CLEC20A: variants seen among roughly 807,000 people sequenced by gnomAD.
CLEC20A encodes the protein putative C-type lectin domain family 20 member A.
chr1:178,490,156 T>C (rs1649237835), exon 4 of CLEC20A: 3 of 398,598 alleles, frequency 7.5e-6, no homozygotes, highest in Non-Finnish European at 1.3e-5. Context: ...CCAAGAGCTG[T>C]GCACAGTCCT....
At chr1:178,495,587 A>G (rs1266695153) in intron 1 of CLEC20A, among the ~76,000 whole-genome samples, 3 of 152,206 alleles carry the variant, frequency 2.0e-5, no homozygotes, top group African/African-American at 7.2e-5. Flanking sequence ...GGAGCAAAGA[A>G]CGAGCCTCAT....
intron 7 of CLEC20A, chr1:178,482,042 C>T: frequency 3.5e-6 from 1 of 288,314 alleles, no homozygotes; most frequent in Non-Finnish European, 6.3e-6. Context: ...CGCTCAGATC[C>T]CTCTGACCGT....
intron 7 of CLEC20A, 166 bp downstream of exon 7, chr1:178,482,146 G>T (rs969363469): frequency 3.1e-5 from 12 of 390,452 alleles, no homozygotes; most frequent in African/African-American, 2.1e-4. Flanking sequence ...GATCCAAAAA[G>T]ATCTTGCCAC....
chr1:178,498,639 G>A (rs1439242742), upstream of CLEC20A, among the ~76,000 whole-genome samples: 1 of 152,140 alleles, frequency 6.6e-6, no homozygotes. Context: ...CAGGACTGGA[G>A]GCCAAGGCAC....
At chr1:178,482,087 A>C (rs560082549) in intron 7 of CLEC20A, 30 of 368,206 alleles carry the variant, frequency 8.1e-5, no homozygotes, top group East Asian at 3.0e-4. Flanking sequence ...AAAAACAAAA[A>C]AACAACAAAA....
chr1:178,488,996 TA>T (rs1217641641), intron 4 of CLEC20A, among the ~76,000 whole-genome samples: 2 of 152,160 alleles, frequency 1.3e-5, no homozygotes, highest in Non-Finnish European at 1.5e-5. Flanking sequence ...GAAAATGTCC[TA>T]AAATCAGATT....
chr1:178,483,044 A>G, intron 6 of CLEC20A, 131 bp downstream of exon 6: 1 of 395,634 alleles, frequency 2.5e-6, no homozygotes, highest in Non-Finnish European at 4.4e-6. Flanking sequence ...CCTCTTTATT[A>G]CTATCCCTAT....
intron 2 of CLEC20A, among the ~76,000 whole-genome samples, chr1:178,493,202 C>T (rs539206333): frequency 1.1e-4 from 17 of 152,242 alleles, no homozygotes; most frequent in East Asian, 3.9e-4. Context: ...CGGGAGACAA[C>T]GCCATACGCA....
At chr1:178,498,235 C>A (rs933997192), upstream of CLEC20A, among the ~76,000 whole-genome samples, 2 of 152,108 alleles carry the variant, frequency 1.3e-5, no homozygotes, top group Non-Finnish European at 2.9e-5. Flanking sequence ...ATGGCCCCGA[C>A]AAGTTCTGCT....
chr1:178,490,534 G>A (rs1649247158), intron 3 of CLEC20A, 97 bp from the exon 4 acceptor site: 1 of 397,790 alleles, frequency 2.5e-6, no homozygotes, highest in Non-Finnish European at 4.4e-6. Flanking sequence ...GGTCTGACAT[G>A]GGCCCTTGTC....
intron 5 of CLEC20A, chr1:178,484,662 A>G (rs542344579): frequency 6.6e-6 from 1 of 152,344 alleles, no homozygotes; most frequent in East Asian, 1.9e-4. Flanking sequence ...AGCCTGGGCA[A>G]CAGAGTGAGA....
At chr1:178,493,134 G>A (rs1243719216) in intron 2 of CLEC20A, among the ~76,000 whole-genome samples, 2 of 152,204 alleles carry the variant, frequency 1.3e-5, no homozygotes, top group Non-Finnish European at 2.9e-5. Context: ...CAGCAGAGGT[G>A]CAGAGCTGGA....
chr1:178,496,136 A>C (rs1649382810), intron 1 of CLEC20A: 1 of 152,060 alleles, frequency 6.6e-6, no homozygotes, highest in African/African-American at 2.4e-5. Flanking sequence ...GGCCCGCATA[A>C]TTGATTTTAG....
chr1:178,499,327 TGATTG>T (rs1296955027), upstream of CLEC20A, among the ~76,000 whole-genome samples: 1 of 152,242 alleles, frequency 6.6e-6, no homozygotes, highest in African/African-American at 2.4e-5. Context: ...AGTGTCGACT[TGATTG>T]GATTGAAGGA....
At chr1:178,492,010 T>C (rs903090288) in intron 3 of CLEC20A, among the ~76,000 whole-genome samples, 1 of 151,992 alleles carries the variant, frequency 6.6e-6, no homozygotes, top group Non-Finnish European at 1.5e-5. Flanking sequence ...AATGGCCGGC[T>C]CGGTGGCTCA....
intron 3 of CLEC20A, among the ~76,000 whole-genome samples, 196 bp downstream of exon 3, chr1:178,492,305 A>AAATAAAT (rs1649284899): frequency 1.3e-5 from 2 of 151,924 alleles, no homozygotes; most frequent in Admixed American, 6.6e-5. Context: ...AAAAAATAAA[A>AAATAAAT]ATAAGGACAT....
upstream of CLEC20A, among the ~76,000 whole-genome samples, chr1:178,498,697 A>G (rs1649456303): frequency 6.6e-6 from 1 of 152,150 alleles, no homozygotes. Flanking sequence ...CTCTCTCTCT[A>G]CACAACATCA....
chr1:178,496,349 T>G (rs1234827031), intron 1 of CLEC20A: 2 of 152,528 alleles, frequency 1.3e-5, no homozygotes, highest in East Asian at 3.9e-4. Flanking sequence ...GCCTAAAACC[T>G]GACCACCCAC....
At chr1:178,487,006 G>A (rs1649164176) in intron 5 of CLEC20A, 1 of 394,258 alleles carries the variant, frequency 2.5e-6, no homozygotes, top group Non-Finnish European at 4.5e-6. Flanking sequence ...AGTGAGCCGC[G>A]CTGCTGAAGC....
Sources: gnomAD v4.1 joint callset for allele counts (sites outside exome capture counted in the v4.1 genomes callset) on GRCh38, gnomAD v4.1.1 for gene constraint, MANE v1.5 for transcripts, NCBI Gene and HGNC (gene_info 2026-07-23, HGNC 2026-07-21) for gene names.